PAM: variants seen among roughly 807,000 people sequenced by gnomAD.
PAM encodes peptidylglycine alpha-amidating monooxygenase, also known as peptidyl-glycine alpha-amidating monooxygenase.
A neutral mutation model predicts 122.1 loss-of-function variants in PAM; 72 were observed. The ratio of observed to expected loss-of-function variants is 0.59; its 90% confidence interval spans 0.49 to 0.72. PAM has a LOEUF of 0.72. Among genes scored for constraint, PAM ranks in the 30% least tolerant of loss-of-function variants. PAM has a pLI of 0.00. For synonymous variants in PAM, 389 were observed against 404.4 expected, an observed-to-expected ratio of 0.96 and a Z score of 0.46; for missense variants, 1,106 against 1,183.7, an observed-to-expected ratio of 0.93 and a Z score of 0.96.
intron 9 of PAM, among the ~76,000 whole-genome samples, 172 bp downstream of exon 9, chr5:102,948,617 G>T (rs1257185584): frequency 6.6e-6 from 1 of 151,984 alleles, no homozygotes; most frequent in Non-Finnish European, 1.5e-5. Context: ...ATTATTCCAA[G>T]CCAGTGGTTT....
chr5:102,866,881 T>C (rs1785741267), intron 2 of PAM, among the ~76,000 whole-genome samples: 1 of 152,212 alleles, frequency 6.6e-6, no homozygotes, highest in Admixed American at 6.5e-5. Context: ...ATTTCTGCCA[T>C]TAGAAAATTG....
chr5:102,942,872 A>G (rs939409885), intron 7 of PAM, among the ~76,000 whole-genome samples: 1 of 151,706 alleles, frequency 6.6e-6, no homozygotes, highest in African/African-American at 2.4e-5. Flanking sequence ...TGCCCAGCCT[A>G]ATTTTTATTA....
At chr5:102,975,247 G>A (rs1278603787) in intron 15 of PAM, among the ~76,000 whole-genome samples, 2 of 152,178 alleles carry the variant, frequency 1.3e-5, no homozygotes, top group African/African-American at 4.8e-5. Flanking sequence ...GTGCATGGCA[G>A]CTGTCCATGT....
intron 3 of PAM, among the ~76,000 whole-genome samples, chr5:102,869,359 C>G (rs1203613494): frequency 1.3e-5 from 2 of 151,848 alleles, no homozygotes; most frequent in Non-Finnish European, 2.9e-5. Flanking sequence ...AAAACTAACA[C>G]CATAGAGGGC....
chr5:102,777,248 A>G (rs1757409249), intron 1 of PAM, among the ~76,000 whole-genome samples: 1 of 152,100 alleles, frequency 6.6e-6, no homozygotes, highest in Non-Finnish European at 1.5e-5. Context: ...GACTGTTCAA[A>G]TCTCATTGTT....
chr5:102,804,365 C>G (rs114828490), intron 1 of PAM, among the ~76,000 whole-genome samples: 1 of 151,934 alleles, frequency 6.6e-6, no homozygotes, highest in African/African-American at 2.4e-5. Context: ...GAAGCCAGAA[C>G]ATTATAAGAT....
intron 7 of PAM, among the ~76,000 whole-genome samples, chr5:102,928,730 A>G (rs774384396): frequency 1.3e-5 from 2 of 152,156 alleles, no homozygotes; most frequent in African/African-American, 2.4e-5. Context: ...ATTTGGATGA[A>G]TCTGATGTGC....
chr5:102,975,342 A>AT (rs1395573604), intron 15 of PAM, among the ~76,000 whole-genome samples: 3 of 152,250 alleles, frequency 2.0e-5, no homozygotes. Flanking sequence ...CACCCAGCTG[A>AT]TTTTTATTTA....
chr5:102,855,371 A>T (rs1782368983), intron 1 of PAM, among the ~76,000 whole-genome samples: 1 of 152,202 alleles, frequency 6.6e-6, no homozygotes, highest in East Asian at 1.9e-4. Context: ...TTATAATAGG[A>T]AAGAGTGTGT....
At chr5:102,808,155 G>A (rs1403094271) in intron 1 of PAM, 3 of 152,184 alleles carry the variant, frequency 2.0e-5, no homozygotes, top group Non-Finnish European at 4.4e-5. Flanking sequence ...ACGTGGGGAT[G>A]ATTCACCCCA....
At chr5:102,925,114 A>T (rs1041776985) in intron 6 of PAM, 72 bp downstream of exon 6, 6 of 814,884 alleles carry the variant, frequency 7.4e-6, no homozygotes, top group Admixed American at 1.7e-5. Flanking sequence ...TTTTCATTAT[A>T]GTCCTTTCTA....
In PAM at chr5:102,768,518, C is replaced by T. The variant is rs536250423; in HGVS notation, c.-374+13170C>T. Reference sequence around the variant, plus strand: ...TCTCCACTTCCCGGTCTCTGGTAACCGTCATTCTACTATCTCCATGAGTTC... The same window carrying T: ...TCTCCACTTCCCGGTCTCTGGTAACTGTCATTCTACTATCTCCATGAGTTC... On this transcript the variant is annotated intron_variant, in intron 1 of 25. Coordinates refer to ENST00000438793, the MANE Select transcript of PAM (RefSeq NM_001177306.2). 3.9e-5 allele frequency among the ~76,000 whole-genome samples: 6 copies of T among 152,066 alleles called. No individual in the cohort carries two copies. The South Asian group carries it at 6.2e-4, about 16-fold the overall frequency.
intron 12 of PAM, among the ~76,000 whole-genome samples, chr5:102,952,057 GTAGT>G (rs1759094277): frequency 6.6e-6 from 1 of 152,056 alleles, no homozygotes; most frequent in Non-Finnish European, 1.5e-5. Context: ...AGAGCCATAG[GTAGT>G]TTACTTAAAT....
At chr5:102,875,815 C>G (rs1788994587) in intron 3 of PAM, among the ~76,000 whole-genome samples, 1 of 152,186 alleles carries the variant, frequency 6.6e-6, no homozygotes, top group Admixed American at 6.5e-5. Flanking sequence ...ACTGTGTTTA[C>G]TAGAAGAGGC....
At chr5:102,765,104 C>G (rs892431188) in intron 1 of PAM, among the ~76,000 whole-genome samples, 1 of 152,172 alleles carries the variant, frequency 6.6e-6, no homozygotes, top group African/African-American at 2.4e-5. Flanking sequence ...ACCCCTCAGC[C>G]TACTCAGTCT....
intron 5 of PAM, among the ~76,000 whole-genome samples, chr5:102,921,170 A>G (rs1314184070): frequency 6.6e-6 from 1 of 152,146 alleles, no homozygotes; most frequent in Non-Finnish European, 1.5e-5. Context: ...GAGGAGCCTT[A>G]TAGGAGAAGC....
chr5:103,013,707 A>G (rs1489021462), intron 21 of PAM, among the ~76,000 whole-genome samples: 1 of 152,190 alleles, frequency 6.6e-6, no homozygotes, highest in East Asian at 1.9e-4. Context: ...TATGCATTAA[A>G]TACTTACTCT....
intron 4 of PAM, 46 bp downstream of exon 4, chr5:102,901,459 G>A: frequency 9.5e-7 from 1 of 1,047,300 alleles, no homozygotes; most frequent in Non-Finnish European, 1.5e-6. Context: ...ATGGAGGGCA[G>A]TGATTTGAAA....
rs776412268 is a variant in PAM at position 103,019,777 on chromosome 5, T to C, written c.2432-13T>C. On this transcript the variant is annotated splice_polypyrimidine_tract_variant and intron_variant, in intron 22 of 25. Coordinates refer to ENST00000438793, the MANE Select transcript of PAM (RefSeq NM_001177306.2). ...GATTCTGACTTTTCTCTCTCCTTGT[T>C]GTGTTGTTACAGAATTGGAACATCG... The C allele has an allele frequency of 1.3e-6, 2 of 1,577,904 alleles. No individual in the cohort carries two copies. Among genetic ancestry groups the C allele is most frequent in the East Asian group, 2.2e-5 (1 of 44,652 alleles).
Sources: allele counts gnomAD v4.1 joint callset (sites outside exome capture counted in the v4.1 genomes callset), GRCh38; gene constraint gnomAD v4.1.1; transcripts MANE v1.5; gene names NCBI Gene and HGNC (gene_info 2026-07-23, HGNC 2026-07-21).